Variants in DPT observed in about 807,000 individuals in gnomAD.
The protein encoded by DPT is dermatopontin.
In DPT, 21 loss-of-function variants were observed where a neutral mutation model predicts 31.2. The ratio of observed to expected loss-of-function variants is 0.67; its 90% confidence interval spans 0.48 to 0.97. DPT has a LOEUF of 0.97. Among genes scored for constraint, DPT ranks in the 50% least tolerant of loss-of-function variants. DPT has a pLI of 0.00. For missense variants in DPT, 262 were observed against 258.8 expected (o/e 1.01, Z -0.08); for synonymous variants, 91 against 86.9 (o/e 1.05, Z -0.26).
intron 1 of DPT, among the ~76,000 whole-genome samples, chr1:168,725,818 C>T (rs907804141): frequency 2.6e-5 from 4 of 152,272 alleles, no homozygotes; most frequent in South Asian, 2.1e-4. Flanking sequence ...AGCCTATATT[C>T]GAGACTCCTC....
intron 1 of DPT, among the ~76,000 whole-genome samples, chr1:168,720,285 T>A (rs565215352): frequency 1.3e-5 from 2 of 152,180 alleles, no homozygotes; most frequent in South Asian, 4.2e-4. Flanking sequence ...ATATAATAAA[T>A]CTCTTCGAGA....
At chr1:168,700,911 GT>G in intron 3 of DPT, 105 bp downstream of exon 3, 1 of 694,020 alleles carries the variant, frequency 1.4e-6, no homozygotes, top group Non-Finnish European at 2.6e-6. Context: ...GTGTGTGGGT[GT>G]GTGTGTGTGT....
At chr1:168,701,205 A>G (rs1649589393) in intron 2 of DPT, 81 bp from the exon 3 acceptor site, 1 of 1,098,168 alleles carries the variant, frequency 9.1e-7, no homozygotes, top group Admixed American at 1.8e-5. Context: ...ACTATGAAGA[A>G]GAGATGGAGT....
At chr1:168,724,227 A>G (rs1024575151) in intron 1 of DPT, among the ~76,000 whole-genome samples, 11 of 152,232 alleles carry the variant, frequency 7.2e-5, no homozygotes, top group African/African-American at 2.2e-4. Flanking sequence ...ATCTTGAAAG[A>G]CCATCCTGCA....
Position 168,728,885 on chromosome 1 carries a change from C to G in DPT, c.290G>C (p.Arg97Thr). 3 of 1,614,184 alleles carry G rather than the reference C, an allele frequency of 1.9e-6. No individual in the cohort carries two copies. The highest frequency in any genetic ancestry group is 2.5e-6 in the Non-Finnish European group (3 of 1,180,002). Residue 97 changes from arginine (R) to threonine (T), a missense_variant, in exon 1 of 4, where the codon AGG becomes ACG. Physicochemically the swap from Arg to Thr is moderately conservative, Grantham distance 71 (BLOSUM62 -1). Transcript: ENST00000367817. ...PTECWWEEIN[R>T]AGMEWYQTCS... ...TGGCCCTTACCATTCCATGCCAGCC[C>G]TGTTGATCTCCTCCCACCAGCACTC... is the stretch of plus-strand genomic sequence containing the variant.
intron 2 of DPT, among the ~76,000 whole-genome samples, chr1:168,711,445 T>C (rs1649859703): frequency 6.6e-6 from 1 of 152,220 alleles, no homozygotes; most frequent in Admixed American, 6.5e-5. Flanking sequence ...CATGATGGCA[T>C]GGCCACAGAC....
At chr1:168,726,801 G>A (rs1650253809) in intron 1 of DPT, among the ~76,000 whole-genome samples, 1 of 152,258 alleles carries the variant, frequency 6.6e-6, no homozygotes, top group Non-Finnish European at 1.5e-5. Context: ...GAGTCATGGA[G>A]ACAACAATCA....
rs112405978 is a variant in DPT at position 168,701,127 on chromosome 1, A to G, written c.432-3T>C. On this transcript the variant is annotated splice_region_variant and splice_polypyrimidine_tract_variant and intron_variant, in intron 2 of 3. Coordinates refer to ENST00000367817, the MANE Select transcript of DPT (RefSeq NM_001937.5). ...GACCTGGATATTCTGTTGTTAGCCT[A>G]TGCAGGAAGAACAAAGGTTAGAGGA... 180 of 1,602,914 alleles carry G rather than the reference A, an allele frequency of 1.1e-4. 2 individuals carry two copies. The African/African-American group carries it at 1.9e-3, about 17-fold the overall frequency.
chr1:168,719,866 G>A (rs188949275), intron 1 of DPT, among the ~76,000 whole-genome samples: 172 of 151,894 alleles, frequency 1.1e-3, no homozygotes, highest in Non-Finnish European at 1.8e-3. Flanking sequence ...AGTATTGTTA[G>A]CCCTGCTCCA....
At position 168,696,573 on chromosome 1, in the gene DPT, G is replaced by A. The variant is rs12060879; in HGVS notation, c.582C>T (p.Tyr194=). Residue 194 remains tyrosine (Y), a synonymous_variant, in exon 4 of 4, where the codon TAC becomes TAT. Coordinates refer to ENST00000367817, the MANE Select transcript of DPT (RefSeq NM_001937.5). ...TCTAAACATTTGCAAATTCACAGTC[G>A]TATTCAGTCATCCGGCACATTATGA... is the stretch of plus-strand genomic sequence containing the variant. The part of the protein sequence containing the change: ...WKFIMCRMTE[Y]DCEFANV 5.0e-3 allele frequency: 8,132 copies of A among 1,613,920 alleles called. 364 individuals carry two copies. In the African/African-American group the frequency reaches 0.094, roughly 19 times the overall value.
chr1:168,717,484 A>G (rs1318649710), intron 1 of DPT, among the ~76,000 whole-genome samples: 3 of 152,166 alleles, frequency 2.0e-5, no homozygotes, highest in African/African-American at 4.8e-5. Flanking sequence ...GTTTGCAAAA[A>G]TATTCTCCCA....
chr1:168,724,372 G>C (rs545644207), intron 1 of DPT, among the ~76,000 whole-genome samples: 3 of 152,218 alleles, frequency 2.0e-5, no homozygotes, highest in Admixed American at 2.0e-4. Context: ...GCCTCCTTGC[G>C]GAGGGCCGTG....
chr1:168,714,378 A>G, intron 1 of DPT, 32 bp from the exon 2 acceptor site: 1 of 1,613,980 alleles, frequency 6.2e-7, no homozygotes, highest in South Asian at 1.1e-5. Context: ...GAACCTAAGA[A>G]CAGTGACACA....
intron 1 of DPT, among the ~76,000 whole-genome samples, chr1:168,715,124 T>G (rs1200725796): frequency 6.6e-6 from 1 of 152,198 alleles, no homozygotes; most frequent in African/African-American, 2.4e-5. Flanking sequence ...CCTAGCTGCT[T>G]AGTCCTAATT....
At chr1:168,706,461 TTA>T (rs1411297154) in intron 2 of DPT, among the ~76,000 whole-genome samples, 3 of 152,170 alleles carry the variant, frequency 2.0e-5, no homozygotes, top group African/African-American at 7.2e-5. Flanking sequence ...CCCCTTTGAA[TTA>T]GTTTTGTAAA....
At chr1:168,724,167 G>A (rs1006457229) in intron 1 of DPT, among the ~76,000 whole-genome samples, 2 of 152,184 alleles carry the variant, frequency 1.3e-5, no homozygotes, top group Non-Finnish European at 2.9e-5. Context: ...ATTCTGCGGC[G>A]GCAAAGTGTG....
At chr1:168,710,846 A>C (rs528413399) in intron 2 of DPT, among the ~76,000 whole-genome samples, 2 of 152,248 alleles carry the variant, frequency 1.3e-5, no homozygotes, top group East Asian at 3.9e-4. Flanking sequence ...TCAAATAAAC[A>C]GACAGGATAA....
intron 3 of DPT, among the ~76,000 whole-genome samples, chr1:168,698,483 A>G (rs903001423): frequency 1.3e-5 from 2 of 152,202 alleles, no homozygotes; most frequent in Non-Finnish European, 2.9e-5. Flanking sequence ...TCAGGCATTC[A>G]AACTACTCTT....
rs534601438 is a variant in DPT, at chr1:168,703,954, G to A, written c.432-2830C>T. Among the ~76,000 whole-genome samples, 7 of 152,322 alleles carry A rather than the reference G, an allele frequency of 4.6e-5. 1 individual carries two copies. In the East Asian group the frequency reaches 1.2e-3, roughly 25 times the overall value. On this transcript the variant is annotated intron_variant, in intron 2 of 3. Transcript: ENST00000367817. ...GCGCACACACACACACGCGCACAAA[G>A]TGTCCTAATAAGTGAAAGCCCAGTA...
Sources: gnomAD v4.1 joint callset for allele counts (sites outside exome capture counted in the v4.1 genomes callset) on GRCh38, gnomAD v4.1.1 for gene constraint, MANE v1.5 for transcripts, NCBI Gene and HGNC (gene_info 2026-07-23, HGNC 2026-07-21) for gene names.